MCTP2: variants seen among roughly 807,000 people sequenced by gnomAD.
MCTP2 encodes the protein multiple C2 and transmembrane domain containing 2, also known as multiple C2 and transmembrane domain-containing protein 2.
In MCTP2, 132 loss-of-function variants were observed where a neutral mutation model predicts 111.6. The observed-to-expected ratio is 1.18, with a 90% CI of 1.03 to 1.37. MCTP2 has a LOEUF of 1.37. Among genes scored for constraint, MCTP2 ranks in the 40% most tolerant of loss-of-function variants. The probability of loss-of-function intolerance (pLI) is 0.00; values close to 1 mark genes in which losing one functional copy is unlikely to be tolerated. For synonymous variants in MCTP2, 395 were observed against 387.7 expected, an observed-to-expected ratio of 1.02 and a Z score of -0.22; for missense variants, 1,183 against 1,067.9, an observed-to-expected ratio of 1.11 and a Z score of -1.50.
chr15:94,258,662 C>CA (rs1284395724), intron 1 of MCTP2, among the ~76,000 whole-genome samples: 5 of 152,092 alleles, frequency 3.3e-5, no homozygotes, highest in Non-Finnish European at 7.4e-5. Context: ...ACCAAAAAAC[C>CA]AAAAAAATCT....
Position 94,298,475 on chromosome 15 carries a change from G to C in MCTP2, c.210G>C (p.Gly70=), listed in dbSNP as rs756383264. 6.2e-7 allele frequency: 1 copy of C among 1,613,952 alleles called. No individual in the cohort carries two copies. Among genetic ancestry groups the C allele is most frequent in the Non-Finnish European group, 8.5e-7 (1 of 1,180,014 alleles). ...CCCCAGAGGGCCGGCCTTACTCCGG[G>C]CCACAGTCTTCCTACACCTCGGTGC... ...ALAPEGRPYS[G]PQSSYTSVPS... is the part of the protein sequence containing the mutation. Residue 70 remains glycine (G), a synonymous_variant, in exon 2 of 23, where the codon GGG becomes GGC. Coordinates refer to ENST00000357742, the MANE Select transcript of MCTP2 (RefSeq NM_001385001.1).
At chr15:94,382,853 C>A (rs1031489598) in intron 12 of MCTP2, among the ~76,000 whole-genome samples, 2 of 152,258 alleles carry the variant, frequency 1.3e-5, no homozygotes, top group African/African-American at 4.8e-5. Context: ...GTCCTACGGA[C>A]ATTACGGAGC....
At chr15:94,392,391 G>C (rs772838654) in intron 14 of MCTP2, among the ~76,000 whole-genome samples, 1 of 150,524 alleles carries the variant, frequency 6.6e-6, no homozygotes, top group Non-Finnish European at 1.5e-5. Flanking sequence ...AATAGTAATA[G>C]TAAGGTTATT....
At chr15:94,245,241 T>TATACACATATGTATATATAC (rs2071755745) in intron 1 of MCTP2, among the ~76,000 whole-genome samples, 1 of 142,888 alleles carries the variant, frequency 7.0e-6, no homozygotes. Context: ...TGTATGTATA[T>TATACACATATGTATATATAC]ATACACATAT....
At chr15:94,355,161 T>C (rs1224664567) in intron 8 of MCTP2, among the ~76,000 whole-genome samples, 4 of 152,234 alleles carry the variant, frequency 2.6e-5, no homozygotes. Flanking sequence ...GCACTGTGTA[T>C]TTAATATGCT....
intron 1 of MCTP2, among the ~76,000 whole-genome samples, chr15:94,281,942 C>G (rs1274062997): frequency 6.6e-6 from 1 of 152,090 alleles, no homozygotes; most frequent in East Asian, 1.9e-4. Context: ...TGTATATGAC[C>G]TGCCCCTTCT....
Position 94,479,162 on chromosome 15 carries a change from T to G in MCTP2, c.*128T>G. On this transcript the variant is annotated 3_prime_UTR_variant, in exon 23 of 23. Coordinates refer to ENST00000357742, the MANE Select transcript of MCTP2 (RefSeq NM_001385001.1). ...ATGCCCTGTGGCACCCTCTGTATAC[T>G]TCCTCCTCCTTCACGTGCACAGACA... 3 of 812,834 alleles carry G rather than the reference T, an allele frequency of 3.7e-6. No individual in the cohort carries two copies. The highest frequency in any genetic ancestry group is 1.5e-5 in the South Asian group (1 of 67,760). The allele number at this position is 812,834 out of a possible 1,614,324, so 50.4% of individuals were successfully genotyped here.
At chr15:94,232,688 A>T (rs944829418) in intron 1 of MCTP2, among the ~76,000 whole-genome samples, 4 of 152,184 alleles carry the variant, frequency 2.6e-5, no homozygotes, top group Non-Finnish European at 5.9e-5. Flanking sequence ...TATTCCTCAC[A>T]GGTGGGTGTT....
Position 94,315,568 on chromosome 15 carries a change from A to C in MCTP2, c.568A>C (p.Ser190Arg), listed in dbSNP as rs1384954179. ...CAGTGATGGCTTGAGTAACCTCCCC[A>C]GCCCTTTTGCGTACCTCCTCACCAT... The part of the protein sequence containing the change: ...EASDGLSNLP[S>R]PFAYLLTIHL... Residue 190 changes from serine to arginine, a missense_variant, in exon 4 of 23, where the codon AGC becomes CGC. Transcript: ENST00000357742. 1 of 1,614,136 alleles carries C rather than the reference A, an allele frequency of 6.2e-7. No individual in the cohort carries two copies. Among genetic ancestry groups the C allele is most frequent in the East Asian group, 2.2e-5 (1 of 44,860 alleles).
At position 94,315,593 on chromosome 15, in the gene MCTP2, T is replaced by A; in HGVS notation, c.593T>A (p.Ile198Lys). 2 of 1,614,156 alleles carry A rather than the reference T, an allele frequency of 1.2e-6. No homozygotes were observed. Among genetic ancestry groups the A allele is most frequent in the Non-Finnish European group, 1.7e-6 (2 of 1,180,018 alleles). ...AGCCCTTTTGCGTACCTCCTCACCA[T>A]ACACCTGAAGGAAGGCCGGAACCTG... ...LPSPFAYLLT[I>K]HLKEGRNLVV... The change falls in exon 4 of 23, where the codon ATA becomes AAA. Residue 198 changes from isoleucine (I) to lysine (K), a missense_variant. Ile to Lys is a moderately radical substitution (Grantham distance 102, BLOSUM62 -3). Coordinates refer to ENST00000357742, the MANE Select transcript of MCTP2 (RefSeq NM_001385001.1).
At chr15:94,375,036 C>T (rs1408531242) in intron 12 of MCTP2, among the ~76,000 whole-genome samples, 2 of 152,122 alleles carry the variant, frequency 1.3e-5, no homozygotes, top group Non-Finnish European at 2.9e-5. Context: ...TTAATTGGCT[C>T]ATGGTTCTGC....
At chr15:94,410,186 G>A (rs996227229) in intron 17 of MCTP2, among the ~76,000 whole-genome samples, 2 of 152,132 alleles carry the variant, frequency 1.3e-5, no homozygotes, top group African/African-American at 4.8e-5. Flanking sequence ...CAAATTCAGA[G>A]AAAGGCCTCG....
intron 4 of MCTP2, among the ~76,000 whole-genome samples, chr15:94,335,309 C>T (rs954201731): frequency 6.6e-6 from 1 of 152,152 alleles, no homozygotes; most frequent in Non-Finnish European, 1.5e-5. Context: ...AATATAAAAT[C>T]AGTGGAAGAA....
chr15:94,320,894 A>C (rs2076602355), intron 4 of MCTP2, among the ~76,000 whole-genome samples: 1 of 152,172 alleles, frequency 6.6e-6, no homozygotes, highest in South Asian at 2.1e-4. Context: ...CAAGAAGAGG[A>C]TTTGGATTTG....
intron 12 of MCTP2, among the ~76,000 whole-genome samples, chr15:94,378,446 C>T (rs1001096413): frequency 1.3e-5 from 2 of 152,026 alleles, no homozygotes; most frequent in South Asian, 2.1e-4. Context: ...TTGCTTGAGC[C>T]CAGGAATTCA....
intron 21 of MCTP2, among the ~76,000 whole-genome samples, chr15:94,475,819 C>G (rs1036729487): frequency 6.6e-6 from 1 of 152,114 alleles, no homozygotes; most frequent in Non-Finnish European, 1.5e-5. Context: ...AAAGAGTAAA[C>G]CAGGGGCAGA....
chr15:94,272,789 C>G (rs1409286803), intron 1 of MCTP2, among the ~76,000 whole-genome samples: 1 of 151,996 alleles, frequency 6.6e-6, no homozygotes, highest in Non-Finnish European at 1.5e-5. Context: ...TTATGCTGCT[C>G]TAAGAAACCA....
At chr15:94,386,088 T>C (rs2080453865) in intron 14 of MCTP2, among the ~76,000 whole-genome samples, 1 of 152,172 alleles carries the variant, frequency 6.6e-6, no homozygotes, top group East Asian at 1.9e-4. Context: ...GCAGTCCAGC[T>C]ATAAGATAAT....
At chr15:94,390,078 A>ACG (rs1451561867) in intron 14 of MCTP2, among the ~76,000 whole-genome samples, 5,966 of 47,208 alleles carry the variant, frequency 0.13, 407 homozygotes, top group East Asian at 0.31. Flanking sequence ...ATATATATAT[A>ACG]TATATATATA....
Sources: allele counts gnomAD v4.1 joint callset (sites outside exome capture counted in the v4.1 genomes callset), GRCh38; gene constraint gnomAD v4.1.1; transcripts MANE v1.5; gene names NCBI Gene and HGNC (gene_info 2026-07-23, HGNC 2026-07-21).